ANO4: variants seen among roughly 807,000 people sequenced by gnomAD.
ANO4 encodes the protein anoctamin-4.
Under a neutral mutation model 141.9 loss-of-function variants are expected in ANO4, and 69 were observed. The ratio of observed to expected loss-of-function variants is 0.49; its 90% CI spans 0.40 to 0.59. ANO4 has a LOEUF of 0.59. Ranked by LOEUF, ANO4 falls within the 20% of genes least tolerant of loss-of-function variation. ANO4 has a pLI of 0.00. For synonymous variants in ANO4, 350 were observed against 394.3 expected, an observed-to-expected ratio of 0.89 and a Z score of 1.33; for missense variants, 894 against 1,162.2, an observed-to-expected ratio of 0.77 and a Z score of 3.36.
intron 1 of ANO4, among the ~76,000 whole-genome samples, chr12:100,844,844 A>G (rs749001445): frequency 1.3e-5 from 2 of 152,222 alleles, no homozygotes; most frequent in South Asian, 4.1e-4. Flanking sequence ...TATTAATACT[A>G]TGGGAATAGG....
At position 101,122,222 on chromosome 12, in the gene ANO4, T is replaced by G. The variant is rs141468055; in HGVS notation, c.2676+1597T>G. On this transcript the variant is annotated intron_variant, in intron 26 of 27. Coordinates refer to ENST00000392977, the MANE Select transcript of ANO4 (RefSeq NM_001286615.2). ...GTATCTGTTTGTGTCCTTTGACCAC[T>G]TTTTAATGGGGTTATTTGTTTTTTA... Among the ~76,000 whole-genome samples, 15 of 152,366 alleles carry G rather than the reference T, an allele frequency of 9.8e-5. No homozygotes were observed. The East Asian group carries it at 2.9e-3, about 29-fold the overall frequency.
chr12:100,931,659 A>G (rs2042092106), intron 3 of ANO4, among the ~76,000 whole-genome samples: 1 of 152,176 alleles, frequency 6.6e-6, no homozygotes, highest in Admixed American at 6.5e-5. Flanking sequence ...TGTAATTCCT[A>G]TCTTTGTCTC....
At chr12:101,118,157 G>A (rs1454364233) in intron 25 of ANO4, among the ~76,000 whole-genome samples, 1 of 152,068 alleles carries the variant, frequency 6.6e-6, no homozygotes, top group Non-Finnish European at 1.5e-5. Context: ...AAATTATTTA[G>A]CAAGCATTGT....
chr12:100,889,231 T>G (rs181901445), intron 1 of ANO4, among the ~76,000 whole-genome samples: 35 of 152,256 alleles, frequency 2.3e-4, no homozygotes, highest in Admixed American at 2.2e-3. Flanking sequence ...TATGGCTGCA[T>G]AGTATTCCAT....
At chr12:101,094,390 C>T (rs1452624323) in intron 18 of ANO4, 98 bp downstream of exon 18, 2 of 963,274 alleles carry the variant, frequency 2.1e-6, no homozygotes, top group Non-Finnish European at 1.5e-6. Context: ...GAAATAGTCC[C>T]TTTATTTTAA....
chr12:101,081,774 G>A (rs2049287887), intron 15 of ANO4, among the ~76,000 whole-genome samples: 1 of 152,090 alleles, frequency 6.6e-6, no homozygotes, highest in South Asian at 2.1e-4. Flanking sequence ...CATCAGGGAA[G>A]GATCTGTTCT....
At chr12:101,090,764 T>C (rs1482473503) in intron 17 of ANO4, among the ~76,000 whole-genome samples, 1 of 151,672 alleles carries the variant, frequency 6.6e-6, no homozygotes, top group African/African-American at 2.4e-5. Context: ...AAGAAAGAAA[T>C]GCCTATGTAC....
At chr12:100,874,775 C>A (rs2039211610) in intron 1 of ANO4, among the ~76,000 whole-genome samples, 1 of 152,134 alleles carries the variant, frequency 6.6e-6, no homozygotes, top group Admixed American at 6.6e-5. Context: ...CCGCCTCAGC[C>A]TCCCAAAGTT....
chr12:101,099,895 AT>A (rs2050127475), intron 22 of ANO4, among the ~76,000 whole-genome samples, 175 bp downstream of exon 22: 1 of 152,188 alleles, frequency 6.6e-6, no homozygotes, highest in Non-Finnish European at 1.5e-5. Context: ...AAGGAATCAG[AT>A]TTCTCTGGAA....
At chr12:101,065,035 A>G (rs1411890234) in intron 14 of ANO4, among the ~76,000 whole-genome samples, 1 of 152,160 alleles carries the variant, frequency 6.6e-6, no homozygotes, top group African/African-American at 2.4e-5. Flanking sequence ...TCGAAGTGCA[A>G]GAGTATTGAT....
rs372004015 is a variant in ANO4 at position 100,970,663 on chromosome 12, C to CGCCTTCCTTCCTTCCTTCCTTCCTTCCT, written c.457-643_457-642insGCCTTCCTTCCTTCCTTCCTTCCTTCCT. Among the ~76,000 whole-genome samples the CGCCTTCCTTCCTTCCTTCCTTCCTTCCT allele has an allele frequency of 6.9e-4, 63 of 91,752 alleles. 5 individuals carry two copies. Among genetic ancestry groups the CGCCTTCCTTCCTTCCTTCCTTCCTTCCT allele is most frequent in the Non-Finnish European group, 9.5e-4 (43 of 45,100 alleles). 60.2% of individuals were successfully genotyped at this position (91,752 alleles called of 152,430 possible). On this transcript the variant is annotated intron_variant, in intron 5 of 27. Transcript: ENST00000392977. ...TCCCTTCCTCCCTCCCTCCCTCCCT[C>CGCCTTCCTTCCTTCCTTCCTTCCTTCCT]TCCTTCCTTCCTTCCTTCCTTCCTT...
At chr12:100,726,266 G>A (rs2031114531) in intron 1 of ANO4, among the ~76,000 whole-genome samples, 1 of 151,876 alleles carries the variant, frequency 6.6e-6, no homozygotes, top group Admixed American at 6.5e-5. Flanking sequence ...TATTTTTAAG[G>A]CCCTTCTGCC....
intron 1 of ANO4, among the ~76,000 whole-genome samples, chr12:100,721,860 T>C (rs1021040864): frequency 3.3e-5 from 5 of 149,694 alleles, no homozygotes; most frequent in Non-Finnish European, 5.9e-5. Flanking sequence ...TAATTTTTTT[T>C]TTTTTTTTTT....
At chr12:101,014,168 A>G (rs1441602797) in intron 8 of ANO4, among the ~76,000 whole-genome samples, 1 of 152,182 alleles carries the variant, frequency 6.6e-6, no homozygotes, top group South Asian at 2.1e-4. Context: ...CAGAACAAAC[A>G]TAATATTTAC....
intron 5 of ANO4, among the ~76,000 whole-genome samples, chr12:100,957,212 C>T (rs1362901835): frequency 5.3e-5 from 8 of 152,212 alleles, no homozygotes; most frequent in South Asian, 2.1e-4. Context: ...TTTTGTGCTT[C>T]GTCACATCAT....
Position 101,110,438 on chromosome 12 carries a change from A to T in ANO4, c.2184A>T (p.Ala728=). 1 of 1,608,712 alleles carries T rather than the reference A, an allele frequency of 6.2e-7. No individual in the cohort carries two copies. Among genetic ancestry groups the T allele is most frequent in the Non-Finnish European group, 8.5e-7 (1 of 1,178,078 alleles). The stretch of plus-strand genomic sequence containing the variant: ...TTGGATTCACAACTATCTTTGTGGC[A>T]GCTTTTCCCCTAGCACCACTTCTGG... The part of the protein sequence containing the change: ...LQFGFTTIFV[A]AFPLAPLLAL... The change falls in exon 23 of 28, where the codon GCA becomes GCT. Residue 728 remains alanine, a synonymous_variant. Transcript: ENST00000392977.
intron 5 of ANO4, among the ~76,000 whole-genome samples, chr12:100,945,628 A>G (rs1379375053): frequency 6.6e-6 from 1 of 152,186 alleles, no homozygotes; most frequent in Non-Finnish European, 1.5e-5. Context: ...ATTGTCCTCA[A>G]TAAGACATTT....
chr12:100,918,450 A>T (rs2041452532), intron 2 of ANO4, among the ~76,000 whole-genome samples: 1 of 152,194 alleles, frequency 6.6e-6, no homozygotes, highest in Non-Finnish European at 1.5e-5. Context: ...TCTTCCTGTT[A>T]TATTTTTCTA....
chr12:101,046,067 C>G (rs2047618409), intron 13 of ANO4, among the ~76,000 whole-genome samples: 2 of 152,366 alleles, frequency 1.3e-5, no homozygotes, highest in South Asian at 2.1e-4. Context: ...TTTGTCAGTC[C>G]TAGTGAGTTA....
Sources: gnomAD v4.1 joint callset for allele counts (sites outside exome capture counted in the v4.1 genomes callset) on GRCh38, gnomAD v4.1.1 for gene constraint, MANE v1.5 for transcripts, NCBI Gene and HGNC (gene_info 2026-07-23, HGNC 2026-07-21) for gene names.